Variants in FRZB observed in about 807,000 individuals in gnomAD.
The protein encoded by FRZB is frizzled related protein.
FRZB carries 34 observed loss-of-function variants against 32.5 expected under a neutral mutation model. That is an observed-to-expected ratio of 1.05 (90% CI 0.80 to 1.39). FRZB has a LOEUF of 1.39. FRZB is among the 40% of genes most tolerant of loss of function. The pLI, the probability that FRZB is intolerant of heterozygous loss-of-function variation, is 0.00. For synonymous variants in FRZB, 170 were observed against 159.2 expected, an observed-to-expected ratio of 1.07 and a Z score of -0.51; for missense variants, 423 against 424.8, an observed-to-expected ratio of 1.00 and a Z score of 0.04.
intron 1 of FRZB, among the ~76,000 whole-genome samples, 186 bp downstream of exon 1, chr2:182,865,889 G>A (rs958499880): frequency 6.6e-6 from 1 of 152,148 alleles, no homozygotes; most frequent in African/African-American, 2.4e-5. Flanking sequence ...GATAAGGTGA[G>A]GGTTTTTTTG....
intron 1 of FRZB, among the ~76,000 whole-genome samples, chr2:182,860,823 C>T (rs145874682): frequency 4.0e-4 from 59 of 148,214 alleles, no homozygotes; most frequent in African/African-American, 1.2e-3. Flanking sequence ...GCAGAGATCA[C>T]GCCACTGCAC....
intron 2 of FRZB, among the ~76,000 whole-genome samples, chr2:182,848,824 T>C (rs1240109334): frequency 6.6e-6 from 1 of 152,230 alleles, no homozygotes; most frequent in African/African-American, 2.4e-5. Context: ...GTGTACAGTA[T>C]GCTTCCATTT....
Position 182,866,058 on chromosome 2 carries a change from G to A in FRZB, c.478+17C>T. 6.3e-7 allele frequency: 1 copy of A among 1,582,522 alleles called. No individual in the cohort carries two copies. The highest frequency in any genetic ancestry group is 1.7e-5 in the Admixed American group (1 of 59,196). ...AGGCTGTAGGGTAAGGGAAGGGTGG[G>A]CCGTGTCAAAACTCACCAGCTCCGT... On this transcript the variant is annotated intron_variant, in intron 1 of 5. Transcript: ENST00000295113. This position sits in a 1 kb window ranked among gnomAD's most constrained non-coding sequence, Gnocchi z 4.5.
Position 182,858,775 on chromosome 2 carries a change from G to A in FRZB, c.526+11C>T. 1 of 1,598,682 alleles carries A rather than the reference G, an allele frequency of 6.3e-7. No homozygotes were observed. The highest frequency in any genetic ancestry group is 8.6e-7 in the Non-Finnish European group (1 of 1,168,052). ...CACAAATGAAAACCAGGAAGATAATGATATACTCACCACTGCTTGCCCCTC... is the reference window on the plus strand; with the variant it reads ...CACAAATGAAAACCAGGAAGATAATAATATACTCACCACTGCTTGCCCCTC... On this transcript the variant is annotated intron_variant, in intron 2 of 5. Transcript: ENST00000295113.
At chr2:182,848,153 T>C (rs1695666761) in intron 2 of FRZB, among the ~76,000 whole-genome samples, 1 of 151,486 alleles carries the variant, frequency 6.6e-6, no homozygotes, top group African/African-American at 2.4e-5. Flanking sequence ...AGAATGGGAT[T>C]CTTAGAATTA....
chr2:182,837,366 G>A (rs185537752), intron 5 of FRZB, among the ~76,000 whole-genome samples: 19 of 151,940 alleles, frequency 1.3e-4, no homozygotes, highest in African/African-American at 4.1e-4. Context: ...TTTATTCATC[G>A]GACATCATTG....
At chr2:182,849,127 T>A (rs1309140187) in intron 2 of FRZB, among the ~76,000 whole-genome samples, 1 of 151,974 alleles carries the variant, frequency 6.6e-6, no homozygotes, top group Non-Finnish European at 1.5e-5. Flanking sequence ...CTCGGGAGGC[T>A]GAGGCAGGAG....
chr2:182,850,608 C>G (rs148716999), intron 2 of FRZB, among the ~76,000 whole-genome samples: 1 of 152,142 alleles, frequency 6.6e-6, no homozygotes, highest in Non-Finnish European at 1.5e-5. Flanking sequence ...ATACTACATT[C>G]TCTTTATCCA....
rs1345374823 is a variant in FRZB, at chr2:182,842,632, C to G, written c.527-89G>C. On this transcript the variant is annotated intron_variant, in intron 2 of 5. Transcript: ENST00000295113. ...CTCACATTTTTTGCTCAGACTAGATCTCAATTTGGTGGTGAGAAGGCTCTT... is the reference window on the plus strand; with the variant it reads ...CTCACATTTTTTGCTCAGACTAGATGTCAATTTGGTGGTGAGAAGGCTCTT... 8 of 984,300 alleles carry G rather than the reference C, an allele frequency of 8.1e-6. No homozygotes were observed. The East Asian group carries it at 2.0e-4, about 24-fold the overall frequency. 61.0% of individuals were successfully genotyped at this position (984,300 alleles called of 1,614,324 possible). A position where few individuals can be genotyped will look rare whatever the true frequency, so the allele number is the denominator to read the frequency against.
In FRZB at chr2:182,838,514, G is replaced by A. The variant is rs1432644892; in HGVS notation, c.692C>T (p.Pro231Leu). Reference protein sequence around the residue: ...EILKSSLVNIPRDTVNLYTSS... With the variant: ...EILKSSLVNILRDTVNLYTSS... ...GGTATAGAGGTTGACAGTGTCCCGT[G>A]GAATGTTTACCAGAGAGGACTTTAG... Residue 231 changes from proline to leucine, a missense_variant, in exon 4 of 6, where the codon CCA becomes CTA. By Grantham distance (98) the Pro-to-Leu change is moderately conservative. Coordinates refer to ENST00000295113, the MANE Select transcript of FRZB (RefSeq NM_001463.4). 3.3e-5 allele frequency: 54 copies of A among 1,612,738 alleles called. 1 individual carries two copies. In the East Asian group the frequency reaches 1.2e-3, roughly 36 times the overall value.
chr2:182,849,855 T>A (rs1032835464), intron 2 of FRZB, among the ~76,000 whole-genome samples: 2 of 152,224 alleles, frequency 1.3e-5, no homozygotes, highest in Admixed American at 6.5e-5. Context: ...ATCCAAAATA[T>A]AGAAAGAGTC....
intron 2 of FRZB, among the ~76,000 whole-genome samples, chr2:182,855,244 G>A (rs1311920337): frequency 6.6e-6 from 1 of 152,126 alleles, no homozygotes; most frequent in East Asian, 1.9e-4. Flanking sequence ...AAGCTTTATT[G>A]CATGATATTC....
rs143081423 is a variant in FRZB, at chr2:182,852,826, G to A, written c.526+5960C>T. Among the ~76,000 whole-genome samples the A allele has an allele frequency of 2.3e-4, 35 of 152,254 alleles. No individual in the cohort carries two copies. The East Asian group carries it at 6.2e-3, about 27-fold the overall frequency. ...AATAGTGAATTTGCAACAGTAAAACGTACAGTTGGATGCTGTTCAGAGTCA... is the reference window on the plus strand; with the variant it reads ...AATAGTGAATTTGCAACAGTAAAACATACAGTTGGATGCTGTTCAGAGTCA... On this transcript the variant is annotated intron_variant, in intron 2 of 5. Coordinates refer to ENST00000295113, the MANE Select transcript of FRZB (RefSeq NM_001463.4).
intron 3 of FRZB, among the ~76,000 whole-genome samples, chr2:182,839,534 C>T (rs553049517): frequency 6.6e-6 from 1 of 152,154 alleles, no homozygotes; most frequent in East Asian, 1.9e-4. Flanking sequence ...ACAAGACTTG[C>T]TTTACTTATC....
At chr2:182,848,006 A>G (rs1265028278) in intron 2 of FRZB, among the ~76,000 whole-genome samples, 1 of 151,982 alleles carries the variant, frequency 6.6e-6, no homozygotes, top group South Asian at 2.1e-4. Context: ...TCTCACATAG[A>G]CAAGAAGGCC....
At chr2:182,864,112 C>T (rs1470207012) in intron 1 of FRZB, among the ~76,000 whole-genome samples, 1 of 152,196 alleles carries the variant, frequency 6.6e-6, no homozygotes, top group African/African-American at 2.4e-5. Flanking sequence ...CCATGCATGT[C>T]CTATTTGAGT....
intron 1 of FRZB, among the ~76,000 whole-genome samples, chr2:182,865,386 A>G (rs1001446559): frequency 2.0e-5 from 3 of 152,238 alleles, no homozygotes; most frequent in African/African-American, 4.8e-5. Flanking sequence ...AAGCCACAGA[A>G]GCTAATTAAC....
chr2:182,854,265 A>T (rs1312119191), intron 2 of FRZB, among the ~76,000 whole-genome samples: 2 of 152,168 alleles, frequency 1.3e-5, no homozygotes, highest in South Asian at 2.1e-4. Flanking sequence ...CATGCATGTT[A>T]TACTTTAATG....
Position 182,866,314 on chromosome 2 carries a change from C to G in FRZB, c.239G>C (p.Cys80Ser). The change falls in exon 1 of 6, where the codon TGC becomes TCC. Residue 80 changes from cysteine (C) to serine (S), a missense_variant. By Grantham distance (112) the Cys-to-Ser change is moderately radical. Transcript: ENST00000295113. This position sits in a 1 kb window ranked among gnomAD's most constrained non-coding sequence, Gnocchi z 4.5. ...EQFEGLLGTH[C>S]SPDLLFFLCA... ...GAGGAAGAAGAGCAGATCGGGGCTG[C>G]AGTGGGTGCCCAGCAGACCTTCGAA... is the stretch of plus-strand genomic sequence containing the variant. 6.2e-7 allele frequency: 1 copy of G among 1,614,248 alleles called. No individual in the cohort carries two copies.
Sources: allele counts gnomAD v4.1 joint callset (sites outside exome capture counted in the v4.1 genomes callset), GRCh38; gene constraint gnomAD v4.1.1; non-coding constraint Gnocchi (gnomAD v3.1); transcripts MANE v1.5; gene names NCBI Gene and HGNC (gene_info 2026-07-23, HGNC 2026-07-21).